The following GLDN variants were observed in gnomAD, a reference collection of about 807,000 sequenced individuals.
GLDN encodes gliomedin.
GLDN carries 47 observed loss-of-function variants against 56.5 expected under a neutral mutation model. The ratio of observed to expected loss-of-function variants is 0.83; its 90% CI spans 0.66 to 1.06. The LOEUF is 1.06. Among genes scored for constraint, GLDN ranks in the 50% least tolerant of loss-of-function variants. GLDN has a pLI of 0.00. For synonymous variants in GLDN, 332 were observed against 278.8 expected, an observed-to-expected ratio of 1.19 and a Z score of -1.90; for missense variants, 782 against 714.3, an observed-to-expected ratio of 1.09 and a Z score of -1.08.
downstream of GLDN, among the ~76,000 whole-genome samples, chr15:51,408,364 CTT>C (rs769569583): frequency 5.6e-4 from 85 of 152,294 alleles, no homozygotes; most frequent in African/African-American, 2.0e-3. Context: ...GGGCAAGTCT[CTT>C]AATCCCTCAG....
At chr15:51,378,237 C>T (rs1161209300) in intron 2 of GLDN, among the ~76,000 whole-genome samples, 1 of 152,188 alleles carries the variant, frequency 6.6e-6, no homozygotes, top group Non-Finnish European at 1.5e-5. Flanking sequence ...CCAAGTCTGA[C>T]TCTCTTTCAC....
chr15:51,371,785 C>T (rs1313144853), intron 1 of GLDN, among the ~76,000 whole-genome samples: 2 of 152,130 alleles, frequency 1.3e-5, no homozygotes, highest in African/African-American at 4.8e-5. Context: ...TGGGTTCAAG[C>T]GAGTCTCCTG....
At chr15:51,365,814 C>T (rs2037389399) in intron 1 of GLDN, among the ~76,000 whole-genome samples, 1 of 152,142 alleles carries the variant, frequency 6.6e-6, no homozygotes, top group Admixed American at 6.5e-5. Context: ...ATAGAATGTT[C>T]TTTCCTACCT....
At chr15:51,346,159 C>CTA (rs1399697663) in intron 1 of GLDN, among the ~76,000 whole-genome samples, 2 of 151,182 alleles carry the variant, frequency 1.3e-5, no homozygotes, top group Non-Finnish European at 2.9e-5. Context: ...CAACATAAAA[C>CTA]TATCAATAGA....
chr15:51,389,646 G>A (rs1451883517), intron 4 of GLDN, among the ~76,000 whole-genome samples: 1 of 152,180 alleles, frequency 6.6e-6, no homozygotes, highest in Non-Finnish European at 1.5e-5. Context: ...GAGGAGCGGT[G>A]GGAAAGGCGG....
At chr15:51,383,955 C>G (rs779861569) in intron 4 of GLDN, 63 bp downstream of exon 4, 1 of 1,225,636 alleles carries the variant, frequency 8.2e-7, no homozygotes, top group South Asian at 1.3e-5. Context: ...GCATTTGGGT[C>G]GACTAAAACT....
chr15:51,400,561 C>A (rs2038229314), intron 8 of GLDN, 63 bp downstream of exon 8: 2 of 1,534,496 alleles, frequency 1.3e-6, no homozygotes, highest in Non-Finnish European at 8.9e-7. Context: ...CTGTTGCCTA[C>A]CTTTGGGCGT....
At chr15:51,343,163 A>C (rs2445767) in intron 1 of GLDN, among the ~76,000 whole-genome samples, 45,877 of 152,188 alleles carry the variant, frequency 0.3, 8,909 homozygotes, top group African/African-American at 0.53. Flanking sequence ...AACTTCCGTT[A>C]TCACAGAAGC....
intron 3 of GLDN, 78 bp from the exon 4 acceptor site, chr15:51,383,707 A>G (rs2037820466): frequency 1.7e-6 from 2 of 1,150,762 alleles, no homozygotes; most frequent in South Asian, 1.5e-5. Flanking sequence ...TTCACTGGTA[A>G]AGGAAATGAC....
Position 51,405,452 on chromosome 15 carries a change from T to A in GLDN, c.*698T>A, listed in dbSNP as rs1483293277. ...TTTAAATAGAGAGAGAGTCTTGCTA[T>A]GTTTCCCAGGCTGGTCTTGAACTCC... On this transcript the variant is annotated 3_prime_UTR_variant, in exon 10 of 10. Coordinates refer to ENST00000335449, the MANE Select transcript of GLDN (RefSeq NM_181789.4). The A allele has an allele frequency of 2.0e-5, 3 of 151,670 alleles. No individual in the cohort carries two copies. The highest frequency in any genetic ancestry group is 2.0e-4 in the Admixed American group (3 of 15,222). 9.4% of individuals were successfully genotyped at this position (151,670 alleles called of 1,614,324 possible). A position where few individuals can be genotyped will look rare whatever the true frequency, so the allele number is the denominator to read the frequency against.
intron 2 of GLDN, among the ~76,000 whole-genome samples, chr15:51,379,305 T>C (rs1450401708): frequency 6.6e-6 from 1 of 152,232 alleles, no homozygotes; most frequent in Non-Finnish European, 1.5e-5. Context: ...GCAGGCATCT[T>C]GAAGAAGCCA....
chr15:51,396,810 T>A (rs1388816213), intron 5 of GLDN, among the ~76,000 whole-genome samples: 1 of 152,204 alleles, frequency 6.6e-6, no homozygotes, highest in Non-Finnish European at 1.5e-5. Context: ...GACCCACGTA[T>A]CAAGGAAAGA....
chr15:51,377,621 A>G (rs1011731316), intron 2 of GLDN, 121 bp downstream of exon 2: 2 of 658,830 alleles, frequency 3.0e-6, no homozygotes, highest in Non-Finnish European at 5.1e-6. Context: ...TACTTTTACC[A>G]GATGTTTTTA....
At chr15:51,372,729 A>G (rs1395438794) in intron 1 of GLDN, among the ~76,000 whole-genome samples, 1 of 152,076 alleles carries the variant, frequency 6.6e-6, no homozygotes, top group Non-Finnish European at 1.5e-5. Context: ...TCCCACTTGA[A>G]CCACTTCTCA....
At chr15:51,383,529 A>G (rs943329730) in intron 3 of GLDN, 76 bp downstream of exon 3, 2 of 1,546,790 alleles carry the variant, frequency 1.3e-6, no homozygotes, top group Admixed American at 3.4e-5. Flanking sequence ...GTTGGGACAG[A>G]TGCGGGGAGG....
downstream of GLDN, among the ~76,000 whole-genome samples, chr15:51,410,520 G>A (rs62018074): frequency 0.011 from 1,708 of 152,242 alleles, 17 homozygotes; most frequent in Non-Finnish European, 0.014. Flanking sequence ...AGCCAAGTCT[G>A]TCACCGTGCC....
Position 51,397,583 on chromosome 15 carries a change from A to G in GLDN, c.802A>G (p.Asn268Asp). Residue 268 changes from asparagine to aspartate, a missense_variant, in exon 6 of 10, where the codon AAC becomes GAC. Transcript: ENST00000335449. Reference sequence around the variant, plus strand: ...AGGCCCTCGGCAGCCAAGCATGTTCAACGGCCAGTGCCCAGGTCACCACCT... The same window carrying G: ...AGGCCCTCGGCAGCCAAGCATGTTCGACGGCCAGTGCCCAGGTCACCACCT... ...AKGPRQPSMF[N>D]GQCPGETCAI... The G allele has an allele frequency of 3.1e-6, 5 of 1,597,214 alleles. No individual in the cohort carries two copies. Among genetic ancestry groups the G allele is most frequent in the Non-Finnish European group, 4.3e-6 (5 of 1,170,700 alleles).
chr15:51,369,839 G>T (rs1394082587), intron 1 of GLDN, among the ~76,000 whole-genome samples: 1 of 152,216 alleles, frequency 6.6e-6, no homozygotes, highest in African/African-American at 2.4e-5. Flanking sequence ...GTACAAAAAA[G>T]TAGCAGTAGC....
At chr15:51,362,131 G>A (rs185747931) in intron 1 of GLDN, among the ~76,000 whole-genome samples, 4 of 152,292 alleles carry the variant, frequency 2.6e-5, no homozygotes, top group East Asian at 1.9e-4. Context: ...CAAAGGCCCC[G>A]AGTTGAGAGA....
Sources: gnomAD v4.1 joint callset for allele counts (sites outside exome capture counted in the v4.1 genomes callset) on GRCh38, gnomAD v4.1.1 for gene constraint, MANE v1.5 for transcripts, NCBI Gene and HGNC (gene_info 2026-07-23, HGNC 2026-07-21) for gene names.